Variants in NRXN1 observed in about 807,000 individuals in gnomAD.
NRXN1 encodes the protein neurexin-1.
A neutral mutation model predicts 150.9 loss-of-function variants in NRXN1; 39 were observed. That is an observed-to-expected ratio of 0.26 (90% confidence interval 0.20 to 0.34). The LOEUF is 0.34. Among genes scored for constraint, NRXN1 ranks in the 10% least tolerant of loss-of-function variants. The pLI is 1.00. For missense variants in NRXN1, 1,815 were observed against 1,949.9 expected (o/e 0.93, Z 1.30); for synonymous variants, 924 against 757.0 (o/e 1.22, Z -3.62).
intron 5 of NRXN1, among the ~76,000 whole-genome samples, chr2:50,841,753 C>T (rs888097296): frequency 1.1e-4 from 17 of 152,250 alleles, no homozygotes; most frequent in East Asian, 1.9e-4. Context: ...AAGTGTTTCA[C>T]GAGAAATTGC....
intron 18 of NRXN1, among the ~76,000 whole-genome samples, chr2:50,135,419 G>A (rs10432670): frequency 0.31 from 47,664 of 151,832 alleles, 7,891 homozygotes; most frequent in Non-Finnish European, 0.36. Context: ...CTGCCCAATC[G>A]CGGTGGCTCA....
chr2:50,536,029 G>A (rs1432913370), intron 10 of NRXN1, among the ~76,000 whole-genome samples: 1 of 152,112 alleles, frequency 6.6e-6, no homozygotes, highest in African/African-American at 2.4e-5. Context: ...TGTGTGTCTG[G>A]AGAAGAAACT....
chr2:50,003,040 G>C lies in NRXN1; in HGVS notation c.4128+50231C>G, dbSNP rs146246712. 8.0e-3 allele frequency among the ~76,000 whole-genome samples: 1,219 copies of C among 152,152 alleles called. 23 individuals carry two copies. The highest frequency in any genetic ancestry group is 0.028 in the African/African-American group (1,170 of 41,534). On this transcript the variant is annotated intron_variant, in intron 21 of 22. Coordinates refer to ENST00000401669, the MANE Select transcript of NRXN1 (RefSeq NM_001330078.2). ...TAGAGTCTGGGCCAAAAGATTTATA[G>C]GATTTGAGAAATGAGAAATAAGTTT... is the stretch of plus-strand genomic sequence containing the variant.
intron 12 of NRXN1, among the ~76,000 whole-genome samples, chr2:50,527,905 A>G (rs759505): frequency 0.87 from 132,257 of 152,202 alleles, 57,744 homozygotes; most frequent in African/African-American, 0.92. Flanking sequence ...ACCTGGAAAG[A>G]AAAAACCTGA....
chr2:50,055,541 C>T (rs1693461313), intron 19 of NRXN1, among the ~76,000 whole-genome samples: 2 of 152,104 alleles, frequency 1.3e-5, no homozygotes, highest in Admixed American at 1.3e-4. Flanking sequence ...ACTTTATTTC[C>T]TAGTCAGAAA....
intron 21 of NRXN1, among the ~76,000 whole-genome samples, chr2:49,983,932 G>A (rs930677900): frequency 2.6e-5 from 4 of 152,060 alleles, no homozygotes; most frequent in African/African-American, 9.7e-5. Flanking sequence ...GGAGGCTGAG[G>A]CAGGAGGATT....
intron 5 of NRXN1, among the ~76,000 whole-genome samples, chr2:50,763,544 A>C (rs539389505): frequency 1.3e-5 from 2 of 152,052 alleles, no homozygotes; most frequent in South Asian, 4.1e-4. Flanking sequence ...GCACTTAATA[A>C]ATACTTGACA....
At chr2:50,515,848 A>G (rs1461774482) in intron 12 of NRXN1, among the ~76,000 whole-genome samples, 1 of 152,096 alleles carries the variant, frequency 6.6e-6, no homozygotes, top group Non-Finnish European at 1.5e-5. Context: ...TTGATGCCTG[A>G]GTCATAGTTG....
intron 5 of NRXN1, among the ~76,000 whole-genome samples, chr2:50,709,121 T>C (rs533134947): frequency 2.2e-4 from 33 of 152,290 alleles, no homozygotes; most frequent in African/African-American, 7.7e-4. Context: ...GCCTCACAGA[T>C]GGCATCAGCT....
At chr2:49,983,538 C>T (rs1322990550) in intron 21 of NRXN1, among the ~76,000 whole-genome samples, 2 of 151,962 alleles carry the variant, frequency 1.3e-5, no homozygotes, top group Admixed American at 6.6e-5. Context: ...TTGCTGATGA[C>T]TTTCAGGCTT....
intron 21 of NRXN1, among the ~76,000 whole-genome samples, chr2:50,045,533 C>T (rs1425642398): frequency 6.6e-6 from 1 of 151,990 alleles, no homozygotes; most frequent in African/African-American, 2.4e-5. Flanking sequence ...TTCCTTCCTC[C>T]TTCCCCTCAC....
chr2:50,167,117 A>G (rs17040073), intron 18 of NRXN1, among the ~76,000 whole-genome samples: 2,193 of 152,278 alleles, frequency 0.014, 50 homozygotes, highest in African/African-American at 0.051. Context: ...AGTGGGGTTC[A>G]TGTTAAGTCT....
At chr2:50,654,513 A>G (rs754435135) in intron 5 of NRXN1, among the ~76,000 whole-genome samples, 4 of 152,036 alleles carry the variant, frequency 2.6e-5, no homozygotes, top group Non-Finnish European at 5.9e-5. Flanking sequence ...TCTTTATAGC[A>G]GCATGATTTA....
At chr2:51,019,332 A>G (rs983624396) in intron 2 of NRXN1, among the ~76,000 whole-genome samples, 2 of 152,140 alleles carry the variant, frequency 1.3e-5, no homozygotes, top group African/African-American at 2.4e-5. Context: ...GTAAGACTAT[A>G]TAAGATAAGG....
At chr2:50,900,668 T>A (rs1227262615) in intron 5 of NRXN1, among the ~76,000 whole-genome samples, 1 of 152,004 alleles carries the variant, frequency 6.6e-6, no homozygotes, top group African/African-American at 2.4e-5. Flanking sequence ...AGGAAAATAA[T>A]GTGGAGGAGC....
intron 17 of NRXN1, among the ~76,000 whole-genome samples, chr2:50,294,578 G>A (rs963993343): frequency 6.6e-5 from 10 of 152,134 alleles, no homozygotes; most frequent in African/African-American, 2.2e-4. Context: ...CTAAATCAGC[G>A]ATACAACAAA....
At chr2:50,378,236 T>A (rs1404396121) in intron 17 of NRXN1, among the ~76,000 whole-genome samples, 5 of 152,190 alleles carry the variant, frequency 3.3e-5, no homozygotes, top group African/African-American at 9.6e-5. Context: ...GGCATACATG[T>A]TTACATAGCA....
At chr2:50,334,481 T>C (rs1056866999) in intron 17 of NRXN1, among the ~76,000 whole-genome samples, 9 of 152,274 alleles carry the variant, frequency 5.9e-5, no homozygotes, top group Middle Eastern at 3.4e-3. Context: ...TATGTCTTTC[T>C]TGAAGCTTTT....
chr2:50,881,440 A>G (rs1389923832), intron 5 of NRXN1, among the ~76,000 whole-genome samples: 14 of 151,966 alleles, frequency 9.2e-5, no homozygotes, highest in Admixed American at 9.2e-4. Flanking sequence ...GATTTAGTAC[A>G]TGATTTTGGT....
Sources: allele counts gnomAD v4.1 joint callset (sites outside exome capture counted in the v4.1 genomes callset), GRCh38; gene constraint gnomAD v4.1.1; transcripts MANE v1.5; gene names NCBI Gene and HGNC (gene_info 2026-07-23, HGNC 2026-07-21).